Variants in PAK1 observed in about 807,000 individuals in gnomAD.
PAK1 encodes the protein serine/threonine-protein kinase PAK 1.
Under a neutral mutation model 67.4 loss-of-function variants are expected in PAK1, and 29 were observed. The observed-to-expected ratio is 0.43, with a 90% CI of 0.32 to 0.59. PAK1 has a LOEUF of 0.59. Ranked by LOEUF, PAK1 falls within the 20% of genes least tolerant of loss-of-function variation. PAK1 has a pLI of 0.07. For synonymous variants in PAK1, 223 were observed against 237.4 expected (o/e 0.94, Z 0.56); for missense variants, 337 against 670.7 (o/e 0.50, Z 5.50).
chr11:77,453,445 C>T (rs1007210310), intron 1 of PAK1, among the ~76,000 whole-genome samples: 1 of 151,164 alleles, frequency 6.6e-6, no homozygotes, highest in Non-Finnish European at 1.5e-5. Flanking sequence ...CAAACTGATT[C>T]TAAACACCTT....
the PAK1 span, among the ~76,000 whole-genome samples, chr11:77,496,477 T>A: frequency 6.0e-5 from 9 of 151,122 alleles, no homozygotes; most frequent in Admixed American, 1.3e-4. Flanking sequence ...TACAAAAAAA[T>A]TTGCCAGCGT....
At position 77,427,725 on chromosome 11, in the gene PAK1, GAA is replaced by G. The variant is rs35770663; in HGVS notation, c.-21-35186_-21-35185del. On this transcript the variant is annotated intron_variant, in intron 1 of 14. Transcript: ENST00000356341. ...AACAGATATGTAAACAGCTGATTGT[GAA>G]AAGAGAGAGAATGAAGTAAATACTC... 2.7e-3 allele frequency among the ~76,000 whole-genome samples: 404 copies of G among 152,328 alleles called. 19 individuals carry two copies. The East Asian group carries it at 0.067, about 25-fold the overall frequency.
At chr11:77,337,224 C>A in intron 12 of PAK1, 100 bp downstream of exon 12, 1 of 552,200 alleles carries the variant, frequency 1.8e-6, no homozygotes, top group South Asian at 2.8e-5. Flanking sequence ...CATAAAGACC[C>A]TTTGGTGAGT....
At chr11:77,353,841 T>C (rs534168579) in intron 7 of PAK1, among the ~76,000 whole-genome samples, 1 of 152,320 alleles carries the variant, frequency 6.6e-6, no homozygotes, top group South Asian at 2.1e-4. Context: ...ATTCATTTTT[T>C]AATTAATCCA....
At chr11:77,337,621 T>C (rs1461598814) in intron 11 of PAK1, among the ~76,000 whole-genome samples, 198 bp from the exon 12 acceptor site, 1 of 152,214 alleles carries the variant, frequency 6.6e-6, no homozygotes, top group Non-Finnish European at 1.5e-5. Context: ...AAACATTCTT[T>C]TAACACTCCA....
intron 1 of PAK1, among the ~76,000 whole-genome samples, chr11:77,457,562 G>A (rs2135451428): frequency 6.6e-6 from 1 of 152,284 alleles, no homozygotes; most frequent in African/African-American, 2.4e-5. Context: ...TAGGAGGCTA[G>A]AGGCACAGAG....
chr11:77,346,012 G>A (rs1159477013), intron 9 of PAK1, among the ~76,000 whole-genome samples: 3 of 152,160 alleles, frequency 2.0e-5, no homozygotes, highest in African/African-American at 7.2e-5. Context: ...GTCTTGCTCT[G>A]TTGCCCAGGC....
chr11:77,485,987 A>G, the PAK1 span, among the ~76,000 whole-genome samples: 3 of 152,142 alleles, frequency 2.0e-5, no homozygotes, highest in Admixed American at 6.6e-5. Flanking sequence ...TTATTCCTGG[A>G]GGTCTAGCTT....
At chr11:77,474,227 G>GGCA (rs1355408846), upstream of PAK1, 28 of 151,854 alleles carry the variant, frequency 1.8e-4, 1 homozygote, top group African/African-American at 6.8e-4. Context: ...CGGCGGCGGC[G>GGCA]GCTGCGGCTC....
At chr11:77,494,137 A>G in the PAK1 span, among the ~76,000 whole-genome samples, 13 of 152,240 alleles carry the variant, frequency 8.5e-5, no homozygotes, top group Admixed American at 8.5e-4. Context: ...TCTATCCTAC[A>G]AAGAAAAAAA....
At chr11:77,508,790 G>A in the PAK1 span, among the ~76,000 whole-genome samples, 1 of 150,608 alleles carries the variant, frequency 6.6e-6, no homozygotes, top group Non-Finnish European at 1.5e-5. Flanking sequence ...CTCCTGAGTA[G>A]CTGGGACTAC....
chr11:77,369,444 C>CTTTTTTTT (rs147630042), intron 5 of PAK1, among the ~76,000 whole-genome samples: 22 of 86,732 alleles, frequency 2.5e-4, no homozygotes, highest in South Asian at 4.0e-4. Context: ...TTATACATTT[C>CTTTTTTTT]TTTTTTTTTT....
At chr11:77,331,834 TA>T (rs1941610048) in intron 14 of PAK1, among the ~76,000 whole-genome samples, 1 of 148,614 alleles carries the variant, frequency 6.7e-6, no homozygotes, top group Non-Finnish European at 1.5e-5. Context: ...GAAAGAAAAA[TA>T]AAACATAAAT....
At chr11:77,517,903 C>T in the PAK1 span, among the ~76,000 whole-genome samples, 2 of 152,068 alleles carry the variant, frequency 1.3e-5, no homozygotes, top group African/African-American at 4.8e-5. Context: ...CCTAAAAGAA[C>T]CTAATGCCAT....
the PAK1 span, among the ~76,000 whole-genome samples, chr11:77,513,498 C>T: frequency 2.0e-5 from 3 of 151,718 alleles, no homozygotes; most frequent in Non-Finnish European, 4.4e-5. Context: ...GGCAAAATCC[C>T]GTCTCTGCTA....
the PAK1 span, among the ~76,000 whole-genome samples, chr11:77,509,041 C>T: frequency 1.4e-5 from 2 of 147,442 alleles, no homozygotes; most frequent in Admixed American, 6.7e-5. Flanking sequence ...GAGGCCGAGG[C>T]GGGCGGATCA....
At chr11:77,523,648 G>C in the PAK1 span, among the ~76,000 whole-genome samples, 2 of 152,072 alleles carry the variant, frequency 1.3e-5, no homozygotes, top group African/African-American at 4.8e-5. Context: ...TCAAACTCCT[G>C]ACCTCGTGAT....
chr11:77,405,557 A>T (rs574389610), intron 1 of PAK1, among the ~76,000 whole-genome samples: 6 of 84,528 alleles, frequency 7.1e-5, no homozygotes, highest in South Asian at 2.7e-4. Flanking sequence ...GCATGTGATT[A>T]AAAAAAAAAA....
At position 77,322,639 on chromosome 11, in the gene PAK1, C is replaced by T. The variant is rs940311421; in HGVS notation, c.*635G>A. The T allele has an allele frequency of 9.0e-6, 2 of 222,926 alleles. No individual in the cohort carries two copies. Among genetic ancestry groups the T allele is most frequent in the Non-Finnish European group, 1.8e-5 (2 of 109,712 alleles). 13.8% of individuals were successfully genotyped at this position (222,926 alleles called of 1,614,324 possible). On this transcript the variant is annotated 3_prime_UTR_variant, in exon 15 of 15. Transcript: ENST00000356341. ...ATAGCCGAGAGCATTTCACAAGAAA[C>T]AGCATGGGAACACTATTGGGTCAAG...
Sources: gnomAD v4.1 joint callset for allele counts (sites outside exome capture counted in the v4.1 genomes callset) on GRCh38, gnomAD v4.1.1 for gene constraint, MANE v1.5 for transcripts, NCBI Gene and HGNC (gene_info 2026-07-23, HGNC 2026-07-21) for gene names.